Variants in B3GALNT1 observed in about 807,000 individuals in gnomAD.
B3GALNT1 encodes the protein UDP-GalNAc:beta-1,3-N-acetylgalactosaminyltransferase 1.
B3GALNT1 carries 17 observed loss-of-function variants against 27.3 expected under a neutral mutation model. The observed-to-expected ratio is 0.62, with a 90% confidence interval of 0.43 to 0.94. The LOEUF (loss-of-function observed/expected upper bound fraction) is 0.94, where lower values mean the gene tolerates loss of function less well. B3GALNT1 is among the 40% of genes least tolerant of loss of function. B3GALNT1 has a pLI of 0.00. For synonymous variants in B3GALNT1, 141 were observed against 144.0 expected (o/e 0.98, Z 0.15); for missense variants, 347 against 390.0 (o/e 0.89, Z 0.93).
chr3:161,100,255 T>A (rs1730504696), intron 4 of B3GALNT1, among the ~76,000 whole-genome samples: 1 of 152,198 alleles, frequency 6.6e-6, no homozygotes, highest in Non-Finnish European at 1.5e-5. Context: ...ATTGTTCAAT[T>A]TTTAAGAATG....
At chr3:161,086,892 T>A in intron 4 of B3GALNT1, 104 bp from the exon 5 acceptor site, 1 of 1,277,836 alleles carries the variant, frequency 7.8e-7, no homozygotes, top group Non-Finnish European at 1.1e-6. Context: ...GAACAGAATC[T>A]CCAGAGTAAA....
intron 4 of B3GALNT1, among the ~76,000 whole-genome samples, chr3:161,095,584 C>A (rs1727674562): frequency 6.6e-6 from 1 of 152,088 alleles, no homozygotes; most frequent in Non-Finnish European, 1.5e-5. Context: ...TGCACTAATG[C>A]CCAGAGAGAG....
In B3GALNT1 at chr3:161,099,632, A is replaced by C. The variant is rs796630392; in HGVS notation, c.-35+1507T>G. Among the ~76,000 whole-genome samples, 4 of 152,204 alleles carry C rather than the reference A, an allele frequency of 2.6e-5. 1 individual carries two copies. In the South Asian group the frequency reaches 6.2e-4, roughly 24 times the overall value. On this transcript the variant is annotated intron_variant, in intron 4 of 4. Coordinates refer to ENST00000320474, the MANE Select transcript of B3GALNT1 (RefSeq NM_003781.4). ...GAATTTTAGGACATTGGGCTAGGATACCTCTCAGGCACCATCTGGCCCTAC... is the reference window on the plus strand; with the variant it reads ...GAATTTTAGGACATTGGGCTAGGATCCCTCTCAGGCACCATCTGGCCCTAC...
In B3GALNT1 at chr3:161,085,810, C is replaced by A; in HGVS notation, c.945G>T (p.Glu315Asp). The change falls in exon 5 of 5, where the codon GAG becomes GAT. Residue 315 changes from glutamate to aspartate, a missense_variant. Physicochemically the swap from Glu to Asp is conservative, Grantham distance 45. Coordinates refer to ENST00000320474, the MANE Select transcript of B3GALNT1 (RefSeq NM_003781.4). ...GCATGACCTGCCAAAAAGTGATGAT[C>A]TCCTTGGAAGAAAAGCCATGGGCTG... is the stretch of plus-strand genomic sequence containing the variant. ...VIAAHGFSSK[E>D]IITFWQVMLR... 1 of 1,614,150 alleles carries A rather than the reference C, an allele frequency of 6.2e-7. No homozygotes were observed. Among genetic ancestry groups the A allele is most frequent in the South Asian group, 1.1e-5 (1 of 91,074 alleles).
intron 2 of B3GALNT1, 139 bp downstream of exon 2, chr3:161,104,180 C>T: frequency 2.1e-6 from 1 of 482,818 alleles, no homozygotes; most frequent in Non-Finnish European, 3.5e-6. Flanking sequence ...GATACGCGTT[C>T]AGTAATTTGT....
Position 161,104,542 on chromosome 3 carries a change from G to C in B3GALNT1, c.-308-136C>G, listed in dbSNP as rs1287522951. The C allele has an allele frequency of 8.0e-6, 3 of 376,784 alleles. No homozygotes were observed. In the East Asian group the frequency reaches 2.2e-4, roughly 28 times the overall value. The allele number at this position is 376,784 out of a possible 1,614,324, so 23.3% of individuals were successfully genotyped here. ...GGATGGCATCATTCCTTACTGCTTG[G>C]AAAAGTGAGACTCCGTTGCACCTCT... On this transcript the variant is annotated intron_variant, in intron 1 of 4. Transcript: ENST00000320474.
chr3:161,105,066 C>T (rs1281165991), intron 1 of B3GALNT1, 169 bp downstream of exon 1: 3 of 152,188 alleles, frequency 2.0e-5, no homozygotes, highest in Non-Finnish European at 4.4e-5. Flanking sequence ...CAACCTGGGC[C>T]ACGCTCCGCT....
At chr3:161,104,060 G>A (rs1043240682) in intron 2 of B3GALNT1, 2 of 281,918 alleles carry the variant, frequency 7.1e-6, no homozygotes, top group East Asian at 1.1e-4. Context: ...TTTATTTTCA[G>A]GTCTGGAGTT....
intron 2 of B3GALNT1, chr3:161,103,904 T>A (rs1732814774): frequency 5.3e-6 from 1 of 189,844 alleles, no homozygotes; most frequent in South Asian, 9.1e-5. Flanking sequence ...ATTTTGTATA[T>A]TTAGTAGAGA....
intron 4 of B3GALNT1, among the ~76,000 whole-genome samples, chr3:161,090,943 T>C (rs1228251866): frequency 1.3e-5 from 2 of 152,190 alleles, no homozygotes; most frequent in African/African-American, 4.8e-5. Context: ...ATAGCTCTAA[T>C]TGAAGAGAAA....
intron 4 of B3GALNT1, among the ~76,000 whole-genome samples, chr3:161,097,238 G>T (rs1728683484): frequency 6.6e-6 from 1 of 152,092 alleles, no homozygotes; most frequent in African/African-American, 2.4e-5. Flanking sequence ...CGGGTTTATT[G>T]CCAGAGCTAC....
Position 161,104,362 on chromosome 3 carries a change from T to A in B3GALNT1, c.-264A>T, listed in dbSNP as rs1407949755. 7.8e-7 allele frequency: 1 copy of A among 1,289,590 alleles called. No homozygotes were observed. Among genetic ancestry groups the A allele is most frequent in the South Asian group, 1.2e-5 (1 of 80,988 alleles). The allele number at this position is 1,289,590 out of a possible 1,614,324, so 79.9% of individuals were successfully genotyped here. The stretch of plus-strand genomic sequence containing the variant: ...AGACATGGTTTGGCAATTTCTTCCT[T>A]GATAGCTTTTCCCACAACGCAGCCA... On this transcript the variant is annotated 5_prime_UTR_variant, in exon 2 of 5. Transcript: ENST00000320474.
intron 4 of B3GALNT1, among the ~76,000 whole-genome samples, chr3:161,098,190 T>G (rs1455497979): frequency 6.6e-6 from 1 of 152,150 alleles, no homozygotes; most frequent in East Asian, 1.9e-4. Flanking sequence ...ACATTTATCT[T>G]TCAGTTAACC....
chr3:161,091,366 T>C (rs142443448), intron 4 of B3GALNT1, among the ~76,000 whole-genome samples: 69 of 152,296 alleles, frequency 4.5e-4, no homozygotes, highest in African/African-American at 1.6e-3. Context: ...ATAGTTTCAG[T>C]TATCCACAGT....
At chr3:161,095,184 C>T (rs1287997506) in intron 4 of B3GALNT1, among the ~76,000 whole-genome samples, 1 of 152,104 alleles carries the variant, frequency 6.6e-6, no homozygotes, top group Non-Finnish European at 1.5e-5. Context: ...TCTTGCAGAG[C>T]CTGCACTTAC....
chr3:161,087,770 G>C lies in B3GALNT1; in HGVS notation c.-34-982C>G, dbSNP rs967183530. The stretch of plus-strand genomic sequence containing the variant: ...GAGCTTTCCTTGCACCATGAGCATA[G>C]ACTTCAGTCTAAGGGCATTCATGTA... On this transcript the variant is annotated intron_variant, in intron 4 of 4. Transcript: ENST00000320474. Among the ~76,000 whole-genome samples the C allele has an allele frequency of 2.0e-5, 3 of 152,154 alleles. No individual in the cohort carries two copies. In the South Asian group the frequency reaches 6.2e-4, roughly 31 times the overall value.
At chr3:161,092,476 C>T (rs34600234) in intron 4 of B3GALNT1, among the ~76,000 whole-genome samples, 439 of 151,998 alleles carry the variant, frequency 2.9e-3, no homozygotes, top group Non-Finnish European at 5.3e-3. Flanking sequence ...ACATACCACA[C>T]CTATCAGCAG....
At position 161,086,445 on chromosome 3, in the gene B3GALNT1, T is replaced by C; in HGVS notation, c.310A>G (p.Lys104Glu). 1 of 1,613,960 alleles carries C rather than the reference T, an allele frequency of 6.2e-7. No homozygotes were observed. The highest frequency in any genetic ancestry group is 1.3e-5 in the African/African-American group (1 of 75,042). Residue 104 changes from lysine to glutamate, a missense_variant, in exon 5 of 5, where the codon AAA becomes GAA. Transcript: ENST00000320474. Reference sequence around the variant, plus strand: ...ACCTCATATCCCCACCAAGACTTTTTTTCACCCCAAGTAACTCTAATGGCC... The same window carrying C: ...ACCTCATATCCCCACCAAGACTTTTCTTCACCCCAAGTAACTCTAATGGCC... The part of the protein sequence containing the change: ...RQAIRVTWGE[K>E]KSWWGYEVLT...
chr3:161,085,881 G>A lies in B3GALNT1; in HGVS notation c.874C>T (p.Leu292=), dbSNP rs1721400064. 2 of 1,613,648 alleles carry A rather than the reference G, an allele frequency of 1.2e-6. No individual in the cohort carries two copies. The highest frequency in any genetic ancestry group is 3.3e-5 in the Admixed American group (2 of 59,970). ...HIPEDTNLFF[L]YRIHLDVCQL... ...CAGACATCCAAATGGATTCTATATA[G>A]AAAGAAAAGATTTGTGTCTTCTGGA... The change falls in exon 5 of 5, where the codon CTA becomes TTA. Residue 292 remains leucine, a synonymous_variant. Transcript: ENST00000320474.
Sources: gnomAD v4.1 joint callset for allele counts (sites outside exome capture counted in the v4.1 genomes callset) on GRCh38, gnomAD v4.1.1 for gene constraint, MANE v1.5 for transcripts, NCBI Gene and HGNC (gene_info 2026-07-23, HGNC 2026-07-21) for gene names.